ARB2A: variants seen among roughly 807,000 people sequenced by gnomAD.
ARB2A encodes the protein cotranscriptional regulator ARB2A.
At chr5:93,925,737 A>T in the ARB2A span, among the ~76,000 whole-genome samples, 1 of 152,160 alleles carries the variant, frequency 6.6e-6, no homozygotes, top group Admixed American at 6.5e-5. Context: ...CCATGGGGAG[A>T]TATGTTGAAA....
chr5:93,900,203 A>T, the ARB2A span, among the ~76,000 whole-genome samples: 1 of 152,194 alleles, frequency 6.6e-6, no homozygotes, highest in Non-Finnish European at 1.5e-5. Context: ...AAAACAAAAA[A>T]TACTATTTTG....
At chr5:93,872,820 A>G in the ARB2A span, among the ~76,000 whole-genome samples, 2 of 151,854 alleles carry the variant, frequency 1.3e-5, no homozygotes, top group Non-Finnish European at 2.9e-5. Context: ...AGGAGGCTGA[A>G]GCAGGAGAAT....
At chr5:93,762,925 C>T in the ARB2A span, among the ~76,000 whole-genome samples, 613 of 152,214 alleles carry the variant, frequency 4.0e-3, 6 homozygotes, top group African/African-American at 0.013. Flanking sequence ...GAATTTTCAA[C>T]CCAGAATTTC....
chr5:94,109,897 T>C, the ARB2A span, among the ~76,000 whole-genome samples: 1 of 150,042 alleles, frequency 6.7e-6, no homozygotes, highest in Admixed American at 6.6e-5. Context: ...TTTTTTTTTT[T>C]TTCTGGAGAC....
the ARB2A span, among the ~76,000 whole-genome samples, chr5:93,829,291 C>T: frequency 6.6e-6 from 1 of 151,906 alleles, no homozygotes; most frequent in African/African-American, 2.4e-5. Context: ...CTCGAAGTAA[C>T]CTAATTGGGC....
chr5:93,628,658 G>T, the ARB2A span, among the ~76,000 whole-genome samples: 1 of 152,300 alleles, frequency 6.6e-6, no homozygotes, highest in East Asian at 1.9e-4. Flanking sequence ...TTCACCTTGC[G>T]CTTTTATGTT....
chr5:93,937,607 T>A, the ARB2A span, among the ~76,000 whole-genome samples: 35 of 151,192 alleles, frequency 2.3e-4, no homozygotes, highest in African/African-American at 8.3e-4. Context: ...GGAGACTCCA[T>A]CTCAAAAAAA....
chr5:93,732,437 T>G, the ARB2A span, among the ~76,000 whole-genome samples: 7 of 152,216 alleles, frequency 4.6e-5, no homozygotes, highest in Admixed American at 4.6e-4. Flanking sequence ...GGGCTTACAT[T>G]ATGTTCTAAA....
chr5:93,824,787 T>C, the ARB2A span, among the ~76,000 whole-genome samples: 1 of 152,238 alleles, frequency 6.6e-6, no homozygotes, highest in Non-Finnish European at 1.5e-5. Flanking sequence ...AGGATATTCT[T>C]GTGGTTGAGA....
chr5:93,955,318 C>A, the ARB2A span, among the ~76,000 whole-genome samples: 2 of 152,116 alleles, frequency 1.3e-5, no homozygotes, highest in Non-Finnish European at 2.9e-5. Flanking sequence ...ACATTTTATT[C>A]ATTATTTTTA....
chr5:93,703,589 C>A, the ARB2A span, among the ~76,000 whole-genome samples: 1 of 152,208 alleles, frequency 6.6e-6, no homozygotes, highest in East Asian at 1.9e-4. Flanking sequence ...TTTTGCGAAT[C>A]AATAAGAGGC....
the ARB2A span, among the ~76,000 whole-genome samples, chr5:93,622,371 C>T: frequency 3.3e-5 from 5 of 152,194 alleles, no homozygotes; most frequent in African/African-American, 1.2e-4. Context: ...TAGGTCATTG[C>T]TATGGTTACT....
chr5:93,981,035 C>A, the ARB2A span, among the ~76,000 whole-genome samples: 3 of 151,278 alleles, frequency 2.0e-5, no homozygotes, highest in East Asian at 1.9e-4. Flanking sequence ...TAATTATTCA[C>A]TAGCTTTTAC....
chr5:93,625,969 C>T, the ARB2A span, among the ~76,000 whole-genome samples: 1 of 152,166 alleles, frequency 6.6e-6, no homozygotes, highest in African/African-American at 2.4e-5. Flanking sequence ...ATACATCAAC[C>T]CTGCCCACAC....
chr5:94,097,484 T>C, the ARB2A span, among the ~76,000 whole-genome samples: 4 of 152,170 alleles, frequency 2.6e-5, no homozygotes, highest in Non-Finnish European at 5.9e-5. Flanking sequence ...TGGGAGCATG[T>C]CTTTCCCATG....
the ARB2A span, among the ~76,000 whole-genome samples, chr5:93,794,349 A>T: frequency 6.6e-6 from 1 of 152,072 alleles, no homozygotes; most frequent in African/African-American, 2.4e-5. Context: ...TTGATTTTTT[A>T]AAATTGAACT....
chr5:93,819,739 G>A, the ARB2A span, among the ~76,000 whole-genome samples: 1 of 152,184 alleles, frequency 6.6e-6, no homozygotes, highest in African/African-American at 2.4e-5. Context: ...TCCAAATCAT[G>A]CTCCAGGCAA....
At chr5:93,776,260 A>G in the ARB2A span, 5 of 1,583,200 alleles carry the variant, frequency 3.2e-6, no homozygotes, top group Non-Finnish European at 4.3e-6. Flanking sequence ...TGTAATAGAG[A>G]CAATATTGTT....
At chr5:93,793,481 A>G in the ARB2A span, among the ~76,000 whole-genome samples, 1 of 151,668 alleles carries the variant, frequency 6.6e-6, no homozygotes, top group Non-Finnish European at 1.5e-5. Flanking sequence ...ACCAGTAAGG[A>G]TTTGTTTGCC....
Sources: gnomAD v4.1 joint callset for allele counts (sites outside exome capture counted in the v4.1 genomes callset) on GRCh38, gnomAD v4.1.1 for gene constraint, MANE v1.5 for transcripts, NCBI Gene and HGNC (gene_info 2026-07-23, HGNC 2026-07-21) for gene names.